The following RBFOX1 variants were observed in gnomAD, a reference collection of about 807,000 sequenced individuals.
RBFOX1 encodes the protein RNA binding fox-1 homolog 1.
In RBFOX1, 8 loss-of-function variants were observed where a neutral mutation model predicts 57.7. The observed-to-expected ratio is 0.14, with a 90% confidence interval of 0.08 to 0.25. The LOEUF is 0.25. RBFOX1 is among the 10% of genes least tolerant of loss of function. The pLI is 1.00. For missense variants in RBFOX1, 611 were observed against 548.5 expected (o/e 1.11, Z -1.14); for synonymous variants, 326 against 222.4 (o/e 1.47, Z -4.15).
At chr16:7,418,978 C>G (rs1380024132) in intron 4 of RBFOX1, among the ~76,000 whole-genome samples, 1 of 152,116 alleles carries the variant, frequency 6.6e-6, no homozygotes, top group Admixed American at 6.5e-5. Flanking sequence ...AATCAGAGCT[C>G]ACTGCACCCT....
At chr16:7,595,807 T>C (rs74773550) in intron 8 of RBFOX1, among the ~76,000 whole-genome samples, 166 bp downstream of exon 8, 1 of 148,326 alleles carries the variant, frequency 6.7e-6, no homozygotes, top group African/African-American at 2.5e-5. Flanking sequence ...CTGGCCTTAC[T>C]TTTTTTTTTA....
chr16:6,421,132 G>A (rs1476929918), intron 2 of RBFOX1, among the ~76,000 whole-genome samples: 1 of 152,188 alleles, frequency 6.6e-6, no homozygotes, highest in Non-Finnish European at 1.5e-5. Context: ...ATGAACCGTG[G>A]TGTAAACAAG....
intron 4 of RBFOX1, among the ~76,000 whole-genome samples, chr16:5,877,151 C>G (rs1392173527): frequency 6.6e-6 from 1 of 152,210 alleles, no homozygotes; most frequent in African/African-American, 2.4e-5. Flanking sequence ...GAGATTGTGT[C>G]TGCTCTCCAG....
intron 3 of RBFOX1, among the ~76,000 whole-genome samples, chr16:5,617,199 C>T (rs1163278359): frequency 2.0e-5 from 3 of 152,268 alleles, no homozygotes; most frequent in Middle Eastern, 6.8e-3. Context: ...AACATCCCCT[C>T]ACTTCCGACT....
intron 3 of RBFOX1, among the ~76,000 whole-genome samples, chr16:6,843,556 G>A (rs944436070): frequency 6.6e-6 from 1 of 152,028 alleles, no homozygotes; most frequent in Non-Finnish European, 1.5e-5. Flanking sequence ...AGGCATGGTG[G>A]CGGGCACCTG....
chr16:6,628,125 A>G (rs959945723), intron 2 of RBFOX1, among the ~76,000 whole-genome samples: 3 of 152,268 alleles, frequency 2.0e-5, no homozygotes, highest in South Asian at 2.1e-4. Context: ...CGCAGTCCCC[A>G]AGATGTCTCT....
chr16:6,874,402 TAGG>T (rs2061465294), intron 3 of RBFOX1, among the ~76,000 whole-genome samples: 1 of 150,158 alleles, frequency 6.7e-6, no homozygotes, highest in Non-Finnish European at 1.5e-5. Context: ...CCCAGCTACT[TAGG>T]AGGCTGAGGC....
At chr16:7,034,136 G>T (rs960910622) in intron 3 of RBFOX1, among the ~76,000 whole-genome samples, 32 of 152,168 alleles carry the variant, frequency 2.1e-4, no homozygotes, top group African/African-American at 7.7e-4. Flanking sequence ...GACGTTGTCT[G>T]AGTGATTCTC....
intron 4 of RBFOX1, among the ~76,000 whole-genome samples, chr16:7,428,589 T>C (rs1289899238): frequency 6.6e-6 from 1 of 150,770 alleles, no homozygotes; most frequent in Non-Finnish European, 1.5e-5. Context: ...CAGGCTGGTA[T>C]CAAACTCCTG....
At chr16:5,400,717 A>C (rs908430854) in intron 1 of RBFOX1, among the ~76,000 whole-genome samples, 1 of 151,664 alleles carries the variant, frequency 6.6e-6, no homozygotes, top group Non-Finnish European at 1.5e-5. Flanking sequence ...AAGGATTCCC[A>C]GTGTATTTTG....
rs1555463886 is a variant in RBFOX1 at position 6,417,707 on chromosome 16, T to TTTA, written c.-64+100650_-64+100651insTTA. ...GTCTGGCCTTAAACTCCTTTCTTTT[T>TTTA]AAAAAAAAAAAAAATTAAGTTCAAG... On this transcript the variant is annotated intron_variant, in intron 2 of 15. Transcript: ENST00000550418. 4.9e-3 allele frequency among the ~76,000 whole-genome samples: 720 copies of TTTA among 146,620 alleles called. 7 individuals carry two copies. The highest frequency in any genetic ancestry group is 0.012 in the African/African-American group (464 of 40,040).
chr16:7,047,834 C>G (rs916281830), intron 3 of RBFOX1, among the ~76,000 whole-genome samples: 4 of 142,462 alleles, frequency 2.8e-5, no homozygotes, highest in African/African-American at 1.0e-4. Flanking sequence ...TGTCTTCATT[C>G]TGTGTTTGGA....
In RBFOX1 at chr16:7,286,722, C is replaced by G. The variant is rs1185625977; in HGVS notation, c.28-231425C>G. Among the ~76,000 whole-genome samples the G allele has an allele frequency of 4.0e-5, 6 of 149,874 alleles. No homozygotes were observed. In the East Asian group the frequency reaches 1.2e-3, roughly 30 times the overall value. ...CACTGCAAGCTCCGCCTCCTGGGTA[C>G]CCACCATTCTCCCGCCTCAGCCTCC... On this transcript the variant is annotated intron_variant, in intron 4 of 15. Coordinates refer to ENST00000550418, the MANE Select transcript of RBFOX1 (RefSeq NM_018723.4).
intron 3 of RBFOX1, among the ~76,000 whole-genome samples, chr16:5,698,705 A>G (rs529060577): frequency 8.5e-5 from 13 of 152,360 alleles, no homozygotes; most frequent in Non-Finnish European, 1.5e-4. Flanking sequence ...CCAAATGTCT[A>G]TTAACTGATT....
At position 5,277,842 on chromosome 16, in the gene RBFOX1, A is replaced by G. The variant is rs563099352; in HGVS notation, c.219+37737A>G. Among the ~76,000 whole-genome samples the G allele has an allele frequency of 5.3e-5, 8 of 152,242 alleles. No individual in the cohort carries two copies. In the East Asian group the frequency reaches 1.5e-3, roughly 29 times the overall value. On this transcript the variant is annotated intron_variant, in intron 1 of 2. Coordinates refer to the RBFOX1 transcript ENST00000585867. ...AAATGACAGGATTTCATTCTTTTTT[A>G]TGGCTGAATAGTATTCTATTGTGCG... is the stretch of plus-strand genomic sequence containing the variant.
chr16:5,719,903 C>G (rs1157381878), intron 3 of RBFOX1, among the ~76,000 whole-genome samples: 1 of 152,142 alleles, frequency 6.6e-6, no homozygotes, highest in African/African-American at 2.4e-5. Context: ...GTTTTGACTT[C>G]TCTCGAAAGT....
intron 4 of RBFOX1, among the ~76,000 whole-genome samples, chr16:7,512,077 A>G (rs1439990314): frequency 6.6e-6 from 1 of 150,862 alleles, no homozygotes; most frequent in Non-Finnish European, 1.5e-5. Flanking sequence ...AGATATCAGA[A>G]GCTCTCTCTG....
At chr16:6,498,995 G>A (rs2153169252) in intron 2 of RBFOX1, among the ~76,000 whole-genome samples, 1 of 152,328 alleles carries the variant, frequency 6.6e-6, no homozygotes, top group Middle Eastern at 3.4e-3. Flanking sequence ...TAATGCAACA[G>A]TGAAAATAAA....
At position 6,067,376 on chromosome 16, in the gene RBFOX1, A is replaced by AAAG. The variant is rs1381206364; in HGVS notation, c.-127+47386_-127+47387insGAA. 1.5e-4 allele frequency among the ~76,000 whole-genome samples: 3 copies of AAAG among 20,272 alleles called. No individual in the cohort carries two copies. The Admixed American group carries it at 1.8e-3, about 12-fold the overall frequency. 13.3% of individuals were successfully genotyped at this position (20,272 alleles called of 152,430 possible). A position where few individuals can be genotyped will look rare whatever the true frequency, so the allele number is the denominator to read the frequency against. On this transcript the variant is annotated intron_variant, in intron 1 of 15. Coordinates refer to ENST00000550418, the MANE Select transcript of RBFOX1 (RefSeq NM_018723.4). ...AGCAGAAGTGAATAGAGGCAAAAAC[A>AAAG]AACCAACCAAACAAACAAACAAACA...
Sources: gnomAD v4.1 joint callset for allele counts (sites outside exome capture counted in the v4.1 genomes callset) on GRCh38, gnomAD v4.1.1 for gene constraint, MANE v1.5 for transcripts, NCBI Gene and HGNC (gene_info 2026-07-23, HGNC 2026-07-21) for gene names.